Variants in PPP1R3B observed in about 807,000 individuals in gnomAD.
The protein encoded by PPP1R3B is protein phosphatase 1 regulatory subunit 3B.
Under a neutral mutation model 14.6 loss-of-function variants are expected in PPP1R3B, and 8 were observed. The observed-to-expected ratio is 0.55, with a 90% CI of 0.32 to 0.99. PPP1R3B has a LOEUF of 0.99. Among genes scored for constraint, PPP1R3B ranks in the 50% least tolerant of loss-of-function variants. PPP1R3B has a pLI of 0.04. For synonymous variants in PPP1R3B, 169 were observed against 142.0 expected (o/e 1.19, Z -1.35); for missense variants, 452 against 360.1 (o/e 1.26, Z -2.07).
At position 9,145,474 on chromosome 8, in the gene PPP1R3B, G is replaced by A. The variant is rs1364835370; in HGVS notation, c.-17-3806C>T. The A allele has an allele frequency of 2.6e-5, 4 of 151,990 alleles. No individual in the cohort carries two copies. In the East Asian group the frequency reaches 5.8e-4, roughly 22 times the overall value. The allele number at this position is 151,990 out of a possible 1,614,324, so 9.4% of individuals were successfully genotyped here. The stretch of plus-strand genomic sequence containing the variant: ...TTAGTTTACTTTACTATAAGAATAC[G>A]GTATATGTTACAAATAAAATACAAA... On this transcript the variant is annotated intron_variant, in intron 1 of 1. Coordinates refer to ENST00000310455, the MANE Select transcript of PPP1R3B (RefSeq NM_024607.4).
At chr8:9,142,854 G>T (rs1563126376) in intron 1 of PPP1R3B, among the ~76,000 whole-genome samples, 1 of 152,080 alleles carries the variant, frequency 6.6e-6, no homozygotes, top group South Asian at 2.1e-4. Flanking sequence ...CTTTCTTCAG[G>T]TAGAATGGTA....
rs918724810 is a variant in PPP1R3B at position 9,138,732 on chromosome 8, T to C, written c.*2062A>G. 6.6e-6 allele frequency: 1 copy of C among 152,194 alleles called. No homozygotes were observed. Among genetic ancestry groups the C allele is most frequent in the Non-Finnish European group, 1.5e-5 (1 of 68,052 alleles). The allele number at this position is 152,194 out of a possible 1,614,324, so 9.4% of individuals were successfully genotyped here. On this transcript the variant is annotated 3_prime_UTR_variant, in exon 2 of 2. Coordinates refer to ENST00000310455, the MANE Select transcript of PPP1R3B (RefSeq NM_024607.4). ...TTGCCTTAGGAAAACTTCACTTTAG[T>C]AAGATAAGGCAAAACAGAAAATAAA...
chr8:9,150,195 C>A (rs1276059402), intron 1 of PPP1R3B, among the ~76,000 whole-genome samples: 1 of 152,156 alleles, frequency 6.6e-6, no homozygotes, highest in Non-Finnish European at 1.5e-5. Context: ...ATTGTCTCTT[C>A]TGCTGCACCC....
In PPP1R3B at chr8:9,137,532, T is replaced by C. The variant is rs1321665510; in HGVS notation, c.*3262A>G. 1 of 152,258 alleles carries C rather than the reference T, an allele frequency of 6.6e-6. No individual in the cohort carries two copies. Among genetic ancestry groups the C allele is most frequent in the Non-Finnish European group, 1.5e-5 (1 of 68,066 alleles). The allele number at this position is 152,258 out of a possible 1,614,324, so 9.4% of individuals were successfully genotyped here. The stretch of plus-strand genomic sequence containing the variant: ...TGAAGTGTGTAGGCTTATCTACTGA[T>C]GATGAGCTATCAAACAAGGAGAGAA... On this transcript the variant is annotated 3_prime_UTR_variant, in exon 2 of 2. Transcript: ENST00000310455.
intron 1 of PPP1R3B, among the ~76,000 whole-genome samples, chr8:9,148,160 G>A (rs923974956): frequency 2.0e-4 from 31 of 152,150 alleles, no homozygotes; most frequent in Admixed American, 1.4e-3. Context: ...GATGGCTGCC[G>A]CCATGCAGAA....
chr8:9,150,222 G>GC (rs1432137771), intron 1 of PPP1R3B, among the ~76,000 whole-genome samples: 1 of 151,716 alleles, frequency 6.6e-6, no homozygotes, highest in African/African-American at 2.4e-5. Context: ...TCCCAGGCAG[G>GC]CCCCCGCCAC....
At chr8:9,142,081 T>C (rs1334690840) in intron 1 of PPP1R3B, among the ~76,000 whole-genome samples, 1 of 152,228 alleles carries the variant, frequency 6.6e-6, no homozygotes, top group African/African-American at 2.4e-5. Context: ...CACAGATAGC[T>C]GTCCTGAGGG....
chr8:9,149,153 A>T (rs1183177814), intron 1 of PPP1R3B, among the ~76,000 whole-genome samples: 2 of 131,692 alleles, frequency 1.5e-5, no homozygotes, highest in African/African-American at 2.9e-5. Flanking sequence ...AGATGGCGCC[A>T]CTGCAGTCCA....
chr8:9,144,367 AT>A (rs200358552), intron 1 of PPP1R3B, among the ~76,000 whole-genome samples: 5,410 of 151,554 alleles, frequency 0.036, 242 homozygotes, highest in South Asian at 0.17. Context: ...TTTAAAAAAT[AT>A]TTTTTTGTAG....
chr8:9,141,324 A>T lies in PPP1R3B; in HGVS notation c.328T>A (p.Phe110Ile), dbSNP rs1801078301. 1.9e-6 allele frequency: 3 copies of T among 1,614,064 alleles called. No individual in the cohort carries two copies. In the African/African-American group the frequency reaches 4.0e-5, roughly 22 times the overall value. The change falls in exon 2 of 2, where the codon TTT (phenylalanine) becomes ATT (isoleucine). Residue 110 changes from phenylalanine to isoleucine, a missense_variant. By Grantham distance (21) the Phe-to-Ile change is conservative. Transcript: ENST00000310455. ...GAGGGCTGGGAAAAATCCAGAACAAAGCTCTCGCTCTCTGCTGTCGTCAAG... is the reference window on the plus strand; with the variant it reads ...GAGGGCTGGGAAAAATCCAGAACAATGCTCTCGCTCTCTGCTGTCGTCAAG... ...VSLTTAESES[F>I]VLDFSQPSAD...
At chr8:9,148,952 C>G (rs1280607483) in intron 1 of PPP1R3B, among the ~76,000 whole-genome samples, 1 of 151,678 alleles carries the variant, frequency 6.6e-6, no homozygotes, top group Non-Finnish European at 1.5e-5. Context: ...CTTTGGGAGG[C>G]CGAGGCGGGC....
chr8:9,140,367 C>T lies in PPP1R3B; in HGVS notation c.*427G>A, dbSNP rs330923. ...GAAAGGCCTGGCTGGCAGAGAGCAC[C>T]CAAAGATGAACACAATGAACAGTGA... On this transcript the variant is annotated 3_prime_UTR_variant, in exon 2 of 2. Transcript: ENST00000310455. The T allele has an allele frequency of 0.28, 55,090 of 196,806 alleles. 9,494 individuals carry two copies. Among genetic ancestry groups the T allele is most frequent in the East Asian group, 0.68 (6,084 of 8,996 alleles). 12.2% of individuals were successfully genotyped at this position (196,806 alleles called of 1,614,324 possible).
chr8:9,146,558 A>G (rs1311251137), intron 1 of PPP1R3B, among the ~76,000 whole-genome samples: 3 of 152,238 alleles, frequency 2.0e-5, no homozygotes, highest in African/African-American at 7.2e-5. Flanking sequence ...CCAAAAGTAC[A>G]GAACTTCCCT....
At chr8:9,143,547 C>T (rs1042479521) in intron 1 of PPP1R3B, among the ~76,000 whole-genome samples, 5 of 152,030 alleles carry the variant, frequency 3.3e-5, no homozygotes, top group African/African-American at 1.2e-4. Flanking sequence ...ACTAAAATTA[C>T]AAAAATTAGC....
chr8:9,149,022 C>G (rs1801329371), intron 1 of PPP1R3B, among the ~76,000 whole-genome samples: 2 of 146,926 alleles, frequency 1.4e-5, no homozygotes, highest in South Asian at 2.1e-4. Context: ...CCCGTCTCTA[C>G]TAAAAATACA....
chr8:9,148,214 G>C (rs796670150), intron 1 of PPP1R3B, among the ~76,000 whole-genome samples: 20 of 152,254 alleles, frequency 1.3e-4, no homozygotes, highest in African/African-American at 4.8e-4. Context: ...TTAAGTTCCT[G>C]AAAAGAAGGC....
chr8:9,145,233 T>A (rs115964241), intron 1 of PPP1R3B: 1 of 152,112 alleles, frequency 6.6e-6, no homozygotes, highest in African/African-American at 2.4e-5. Flanking sequence ...TTCAACGACA[T>A]GAGTTTGAAC....
Position 9,138,250 on chromosome 8 carries a change from C to T in PPP1R3B, c.*2544G>A, listed in dbSNP as rs182796375. On this transcript the variant is annotated 3_prime_UTR_variant, in exon 2 of 2. Coordinates refer to ENST00000310455, the MANE Select transcript of PPP1R3B (RefSeq NM_024607.4). Reference sequence around the variant, plus strand: ...AACATTTAAAGTACTGTCTGTTACCCGATGTCTGGTATGTTTACATAAAAC... The same window carrying T: ...AACATTTAAAGTACTGTCTGTTACCTGATGTCTGGTATGTTTACATAAAAC... 4 of 152,234 alleles carry T rather than the reference C, an allele frequency of 2.6e-5. No individual in the cohort carries two copies. Among genetic ancestry groups the T allele is most frequent in the East Asian group, 1.9e-4 (1 of 5,178 alleles). 9.4% of individuals were successfully genotyped at this position (152,234 alleles called of 1,614,324 possible).
In PPP1R3B at chr8:9,141,707, G is replaced by A. The variant is rs183648364; in HGVS notation, c.-17-39C>T. 1,562 of 1,567,012 alleles carry A rather than the reference G, an allele frequency of 1.0e-3. 4 individuals carry two copies. Among genetic ancestry groups the A allele is most frequent in the Admixed American group, 3.2e-3 (180 of 56,370 alleles). ...AAGGGAAGAGAAGAAAGAAAACAGT[G>A]GAGCAATCAGATCAGACAGATGTGT... On this transcript the variant is annotated intron_variant, in intron 1 of 1. Transcript: ENST00000310455.
Sources: gnomAD v4.1 joint callset for allele counts (sites outside exome capture counted in the v4.1 genomes callset) on GRCh38, gnomAD v4.1.1 for gene constraint, MANE v1.5 for transcripts, NCBI Gene and HGNC (gene_info 2026-07-23, HGNC 2026-07-21) for gene names.